Variants in SLC38A9 observed in about 807,000 individuals in gnomAD.
SLC38A9 encodes the protein solute carrier family 38 member 9.
In SLC38A9, 48 loss-of-function variants were observed where a neutral mutation model predicts 62.3. The observed-to-expected ratio is 0.77, with a 90% confidence interval of 0.61 to 0.98. SLC38A9 has a LOEUF of 0.98. Among genes scored for constraint, SLC38A9 ranks in the 50% least tolerant of loss-of-function variants. The pLI is 0.00. For missense variants in SLC38A9, 541 were observed against 679.8 expected, an observed-to-expected ratio of 0.80 and a Z score of 2.27; for synonymous variants, 204 against 227.7, an observed-to-expected ratio of 0.90 and a Z score of 0.94.
chr5:55,691,524 A>T (rs911749932), intron 3 of SLC38A9, among the ~76,000 whole-genome samples: 2 of 152,204 alleles, frequency 1.3e-5, no homozygotes, highest in African/African-American at 2.4e-5. Context: ...ACTATTTCAC[A>T]ATCTGTTTGT....
chr5:55,639,735 G>A (rs1049169035), intron 12 of SLC38A9, among the ~76,000 whole-genome samples: 1 of 152,042 alleles, frequency 6.6e-6, no homozygotes, highest in Non-Finnish European at 1.5e-5. Context: ...CATTTAGGTT[G>A]ATTTTTGCTA....
At chr5:55,702,038 C>T (rs1461515574) in intron 2 of SLC38A9, among the ~76,000 whole-genome samples, 1 of 152,092 alleles carries the variant, frequency 6.6e-6, no homozygotes. Flanking sequence ...ATTTGTTTAA[C>T]GGACTCATAT....
intron 2 of SLC38A9, among the ~76,000 whole-genome samples, chr5:55,707,099 G>A (rs569984813): frequency 6.6e-6 from 1 of 152,094 alleles, no homozygotes; most frequent in South Asian, 2.1e-4. Flanking sequence ...GCGCCACTAT[G>A]TTGCCCAGCC....
At chr5:55,644,698 C>T (rs1388751057) in intron 12 of SLC38A9, among the ~76,000 whole-genome samples, 4 of 152,098 alleles carry the variant, frequency 2.6e-5, no homozygotes, top group East Asian at 1.9e-4. Flanking sequence ...GGATTACAGG[C>T]GTGAGCCACC....
At chr5:55,669,172 C>A in intron 7 of SLC38A9, 56 bp downstream of exon 7, 1 of 1,337,872 alleles carries the variant, frequency 7.5e-7, no homozygotes, top group Non-Finnish European at 1.1e-6. Context: ...TGATCTGCCT[C>A]AAAGGGAAAT....
chr5:55,655,965 T>C (rs1484460671), intron 9 of SLC38A9, among the ~76,000 whole-genome samples: 2 of 152,160 alleles, frequency 1.3e-5, no homozygotes, highest in Non-Finnish European at 1.5e-5. Flanking sequence ...TCTAAGAAAT[T>C]AATTTCTTTT....
chr5:55,705,714 T>G (rs1235286536), intron 2 of SLC38A9, among the ~76,000 whole-genome samples: 3 of 150,992 alleles, frequency 2.0e-5, no homozygotes, highest in Non-Finnish European at 4.4e-5. Flanking sequence ...TAAACTCTTT[T>G]TTTTTTTTTT....
intron 1 of SLC38A9, 110 bp from the exon 2 acceptor site, chr5:55,711,609 G>A (rs1222171089): frequency 6.6e-6 from 1 of 152,202 alleles, no homozygotes; most frequent in African/African-American, 2.4e-5. Context: ...TCTCACAACT[G>A]AGTCGTGTGA....
chr5:55,701,060 A>T (rs952784345), intron 2 of SLC38A9, among the ~76,000 whole-genome samples: 1 of 152,120 alleles, frequency 6.6e-6, no homozygotes, highest in Non-Finnish European at 1.5e-5. Context: ...TAACTAAAAT[A>T]AAAAAATTCA....
intron 3 of SLC38A9, chr5:55,691,411 A>T (rs777166466): frequency 4.1e-6 from 5 of 1,226,438 alleles, no homozygotes; most frequent in Non-Finnish European, 5.2e-6. Context: ...AATACTGGGC[A>T]TACAGAGAAG....
chr5:55,673,223 T>C (rs954282339), intron 3 of SLC38A9: 4 of 152,668 alleles, frequency 2.6e-5, no homozygotes, highest in Admixed American at 2.6e-4. Context: ...ATGAGACTTA[T>C]CCAACTCAGT....
intron 3 of SLC38A9, chr5:55,693,469 A>C (rs1755016471): frequency 6.6e-6 from 1 of 152,192 alleles, no homozygotes; most frequent in Non-Finnish European, 1.5e-5. Context: ...TTACTACTAT[A>C]AAAAATACTG....
chr5:55,682,392 A>G (rs1309109245), intron 3 of SLC38A9, among the ~76,000 whole-genome samples: 1 of 152,216 alleles, frequency 6.6e-6, no homozygotes, highest in Non-Finnish European at 1.5e-5. Flanking sequence ...GTACAACCAG[A>G]ACCTATAGCA....
At chr5:55,673,562 G>A (rs555601310) in intron 3 of SLC38A9, 2 of 152,064 alleles carry the variant, frequency 1.3e-5, no homozygotes, top group African/African-American at 2.4e-5. Context: ...CACATAATTT[G>A]CCATTTCAGG....
chr5:55,630,142 T>G (rs73119735), intron 14 of SLC38A9, among the ~76,000 whole-genome samples: 7 of 152,138 alleles, frequency 4.6e-5, no homozygotes, highest in African/African-American at 1.7e-4. Context: ...AAAAAGCTAT[T>G]AAAAGTACTC....
chr5:55,710,929 A>T (rs1029896270), intron 2 of SLC38A9, among the ~76,000 whole-genome samples: 8 of 151,250 alleles, frequency 5.3e-5, no homozygotes, highest in African/African-American at 1.7e-4. Flanking sequence ...AAACGTTTTT[A>T]AAAAATCTTT....
intron 7 of SLC38A9, among the ~76,000 whole-genome samples, chr5:55,666,231 A>C (rs1041099472): frequency 6.6e-6 from 1 of 152,230 alleles, no homozygotes; most frequent in Non-Finnish European, 1.5e-5. Context: ...AGAAATTTAC[A>C]TAAGAAAACA....
Position 55,691,367 on chromosome 5 carries a change from AG to A in SLC38A9, c.113+6478del, listed in dbSNP as rs1049308038. 6 of 1,410,744 alleles carry A rather than the reference AG, an allele frequency of 4.3e-6. No individual in the cohort carries two copies. In the African/African-American group the frequency reaches 8.6e-5, roughly 20 times the overall value. 87.4% of individuals were successfully genotyped at this position (1,410,744 alleles called of 1,614,324 possible). A position where few individuals can be genotyped will look rare whatever the true frequency, so the allele number is the denominator to read the frequency against. ...AATATGGTTTACAAAGAATTGCCTA[AG>A]GGGTTAAGTCTGAGTGAATTCCTGC... is the stretch of plus-strand genomic sequence containing the variant. On this transcript the variant is annotated intron_variant, in intron 3 of 15. Coordinates refer to ENST00000396865, the MANE Select transcript of SLC38A9 (RefSeq NM_173514.4).
At chr5:55,631,322 A>G (rs1009235282) in intron 14 of SLC38A9, among the ~76,000 whole-genome samples, 3 of 152,200 alleles carry the variant, frequency 2.0e-5, no homozygotes, top group Non-Finnish European at 2.9e-5. Flanking sequence ...GATAAATGAA[A>G]ATGACAATGT....
Sources: allele counts gnomAD v4.1 joint callset (sites outside exome capture counted in the v4.1 genomes callset), GRCh38; gene constraint gnomAD v4.1.1; transcripts MANE v1.5; gene names NCBI Gene and HGNC (gene_info 2026-07-23, HGNC 2026-07-21).